Variants in BAG4 observed in about 807,000 individuals in gnomAD.
BAG4 encodes the protein BAG cochaperone 4.
Under a neutral mutation model 52.1 loss-of-function variants are expected in BAG4, and 28 were observed. The ratio of observed to expected loss-of-function variants is 0.54; its 90% confidence interval spans 0.40 to 0.74. BAG4 has a LOEUF of 0.74. Ranked by LOEUF, BAG4 falls within the 30% of genes least tolerant of loss-of-function variation. The pLI, the probability that BAG4 is intolerant of heterozygous loss-of-function variation, is 0.00. For synonymous variants in BAG4, 208 were observed against 217.0 expected, an observed-to-expected ratio of 0.96 and a Z score of 0.37; for missense variants, 525 against 572.0, an observed-to-expected ratio of 0.92 and a Z score of 0.84.
At position 38,210,004 on chromosome 8, in the gene BAG4, C is replaced by T; in HGVS notation, c.889-4C>T. 1 of 1,610,176 alleles carries T rather than the reference C, an allele frequency of 6.2e-7. No homozygotes were observed. Among genetic ancestry groups the T allele is most frequent in the South Asian group, 1.1e-5 (1 of 90,700 alleles). On this transcript the variant is annotated splice_region_variant and splice_polypyrimidine_tract_variant and intron_variant, in intron 4 of 4. Coordinates refer to ENST00000287322, the MANE Select transcript of BAG4 (RefSeq NM_004874.4). ...TTTTCCTCTTTTTGCTCTCCCACTC[C>T]AAGGATTCTTCATACCCCTATAGCC...
chr8:38,210,169 T>C lies in BAG4; in HGVS notation c.1050T>C (p.Asn350=), dbSNP rs528608215. ...GTGCTGAGCCTCAGCTGTATGGTAA[T>C]GCCACCAGTGACCATCCCAACAATC... ...QYSAEPQLYG[N]ATSDHPNNQD... The change falls in exon 5 of 5, where the codon AAT becomes AAC. Residue 350 remains asparagine (N), a synonymous_variant. Transcript: ENST00000287322. 6.8e-6 allele frequency: 11 copies of C among 1,614,176 alleles called. No homozygotes were observed. The African/African-American group carries it at 9.3e-5, about 14-fold the overall frequency.
rs779550882 is a variant in BAG4, at chr8:38,210,422, C to T, written c.1303C>T (p.Arg435Trp). 5.6e-6 allele frequency: 9 copies of T among 1,608,640 alleles called. No individual in the cohort carries two copies. The highest frequency in any genetic ancestry group is 7.6e-6 in the Non-Finnish European group (9 of 1,178,688). The change falls in exon 5 of 5, where the codon CGG (arginine) becomes TGG (tryptophan). Residue 435 changes from arginine to tryptophan, a missense_variant. Arg to Trp is a moderately radical substitution (Grantham distance 101, BLOSUM62 -3). This residue lies in a region of BAG4 where 238 missense variants were observed against 305.8 expected (regional missense o/e 0.78). Transcript: ENST00000287322. ...TGAAACTGGGGGCCAGGACTCTGTA[C>T]GGCAGGCCAGAAAAGAGGCTGTTTG... Reference protein sequence around the residue: ...SVETGGQDSVRQARKEAVCKI... With the variant: ...SVETGGQDSVWQARKEAVCKI...
chr8:38,204,908 CAT>C (rs1563284973), intron 2 of BAG4, among the ~76,000 whole-genome samples: 1 of 151,886 alleles, frequency 6.6e-6, no homozygotes, highest in African/African-American at 2.4e-5. Flanking sequence ...GTTTTAAAAA[CAT>C]AACCACAATG....
In BAG4 at chr8:38,189,987, G is replaced by A. The variant is rs552141258; in HGVS notation, c.271-2701G>A. ...TTTTTAGTAGAGATGGGGTTTCACC[G>A]TGTTAGCTAGGATGGTCTCTATCTC... On this transcript the variant is annotated intron_variant, in intron 1 of 4. Transcript: ENST00000287322. Among the ~76,000 whole-genome samples, 121 of 152,146 alleles carry A rather than the reference G, an allele frequency of 8.0e-4. 1 individual carries two copies. Among genetic ancestry groups the A allele is most frequent in the African/African-American group, 2.8e-3 (115 of 41,524 alleles).
intron 2 of BAG4, among the ~76,000 whole-genome samples, chr8:38,200,609 T>G (rs1803645636): frequency 6.6e-6 from 1 of 152,212 alleles, no homozygotes. Flanking sequence ...TTTTTCTTTT[T>G]TTTTTTGAGC....
chr8:38,197,744 G>C (rs973470010), intron 2 of BAG4, among the ~76,000 whole-genome samples: 12 of 152,146 alleles, frequency 7.9e-5, no homozygotes, highest in Non-Finnish European at 1.2e-4. Context: ...CTGTCCCCCA[G>C]ACTGGGGTGC....
intron 3 of BAG4, 33 bp from the exon 4 acceptor site, chr8:38,208,980 C>G: frequency 6.3e-7 from 1 of 1,586,432 alleles, no homozygotes; most frequent in South Asian, 1.1e-5. Flanking sequence ...AAGTTTTTCA[C>G]AATGACTGGT....
chr8:38,182,793 A>AT (rs903860235), intron 1 of BAG4, among the ~76,000 whole-genome samples: 94 of 152,220 alleles, frequency 6.2e-4, no homozygotes, highest in African/African-American at 2.2e-3. Flanking sequence ...GATTTGTCCC[A>AT]TTTTGTCCAA....
chr8:38,209,156 A>C lies in BAG4; in HGVS notation c.777A>C (p.Ser259=), dbSNP rs760482248. The C allele has an allele frequency of 6.2e-7, 1 of 1,614,156 alleles. No individual in the cohort carries two copies. Among genetic ancestry groups the C allele is most frequent in the Admixed American group, 1.7e-5 (1 of 60,008 alleles). The change falls in exon 4 of 5, where the codon TCA becomes TCC. Residue 259 remains serine (S), a synonymous_variant. Coordinates refer to ENST00000287322, the MANE Select transcript of BAG4 (RefSeq NM_004874.4). ...YGMGGRYPWP[S]SAPSAPPGNL... is the part of the protein sequence containing the mutation. ...TGGGTGGCCGTTATCCCTGGCCTTC[A>C]TCAGCGCCCTCAGCACCACCCGGCA...
chr8:38,203,004 CAG>C (rs1563284436), intron 2 of BAG4: 1 of 152,096 alleles, frequency 6.6e-6, no homozygotes, highest in Non-Finnish European at 1.5e-5. Context: ...AAAATAACAA[CAG>C]AGAGAAGGAC....
At chr8:38,198,875 T>G (rs1048885048) in intron 2 of BAG4, among the ~76,000 whole-genome samples, 1 of 152,172 alleles carries the variant, frequency 6.6e-6, no homozygotes, top group Non-Finnish European at 1.5e-5. Flanking sequence ...ATCATCAGTA[T>G]CACTGTCTTT....
intron 3 of BAG4, 29 bp from the exon 4 acceptor site, chr8:38,208,984 G>T (rs1435025191): frequency 6.3e-7 from 1 of 1,591,068 alleles, no homozygotes; most frequent in Non-Finnish European, 8.6e-7. Flanking sequence ...TTTTCACAAT[G>T]ACTGGTATAT....
chr8:38,189,072 C>T (rs932144320), intron 1 of BAG4, among the ~76,000 whole-genome samples: 1 of 151,878 alleles, frequency 6.6e-6, no homozygotes, highest in African/African-American at 2.4e-5. Context: ...ATTCTCGTGC[C>T]TCAGCCTCCT....
intron 2 of BAG4, among the ~76,000 whole-genome samples, chr8:38,197,374 T>C (rs1803579246): frequency 6.6e-6 from 1 of 152,230 alleles, no homozygotes; most frequent in Admixed American, 6.5e-5. Flanking sequence ...CTGTACTGAA[T>C]ACTGTAAGCA....
At chr8:38,199,136 A>G (rs1229820901) in intron 2 of BAG4, among the ~76,000 whole-genome samples, 3 of 152,240 alleles carry the variant, frequency 2.0e-5, no homozygotes, top group Non-Finnish European at 2.9e-5. Context: ...TATGTGTTAT[A>G]TACAACTGGC....
chr8:38,183,827 C>T (rs1441711274), intron 1 of BAG4, among the ~76,000 whole-genome samples: 3 of 151,988 alleles, frequency 2.0e-5, no homozygotes, highest in Non-Finnish European at 2.9e-5. Context: ...CTGGCATGAC[C>T]CATTGATTTT....
intron 2 of BAG4, among the ~76,000 whole-genome samples, chr8:38,199,389 G>A (rs1157861052): frequency 6.6e-6 from 1 of 152,136 alleles, no homozygotes; most frequent in East Asian, 1.9e-4. Flanking sequence ...TCTTGATGGT[G>A]TCCTTTGAAA....
At position 38,191,399 on chromosome 8, in the gene BAG4, T is replaced by C. The variant is rs370298212; in HGVS notation, c.271-1289T>C. On this transcript the variant is annotated intron_variant, in intron 1 of 4. Transcript: ENST00000287322. ...ATCTCTCAGTTATTTCAGCTGCCAATGAATTTCTTTGTGAAATCATATTCA... is the reference window on the plus strand; with the variant it reads ...ATCTCTCAGTTATTTCAGCTGCCAACGAATTTCTTTGTGAAATCATATTCA... Among the ~76,000 whole-genome samples the C allele has an allele frequency of 6.6e-5, 10 of 152,362 alleles. No individual in the cohort carries two copies. The East Asian group carries it at 1.9e-3, about 29-fold the overall frequency.
chr8:38,181,746 A>G (rs1803275070), intron 1 of BAG4, among the ~76,000 whole-genome samples: 1 of 151,822 alleles, frequency 6.6e-6, no homozygotes, highest in Admixed American at 6.6e-5. Flanking sequence ...CAGAAAAAGA[A>G]AAACAAAAAT....
Sources: allele counts gnomAD v4.1 joint callset (sites outside exome capture counted in the v4.1 genomes callset), GRCh38; gene constraint gnomAD v4.1.1; regional missense constraint gnomAD v4.1.1; transcripts MANE v1.5; gene names NCBI Gene and HGNC (gene_info 2026-07-23, HGNC 2026-07-21).